Variants in SHLD2 observed in about 807,000 individuals in gnomAD.
SHLD2 encodes the protein RINN1-REV7-interacting novel NHEJ regulator 2.
Under a neutral mutation model 73.2 loss-of-function variants are expected in SHLD2, and 30 were observed. The ratio of observed to expected loss-of-function variants is 0.41; its 90% confidence interval spans 0.31 to 0.56. SHLD2 has a LOEUF of 0.56. Among genes scored for constraint, SHLD2 ranks in the 20% least tolerant of loss-of-function variants. SHLD2 has a pLI of 0.28. For missense variants in SHLD2, 745 were observed against 1,055.9 expected (o/e 0.71, Z 4.08); for synonymous variants, 285 against 370.1 (o/e 0.77, Z 2.64).
intron 2 of SHLD2, among the ~76,000 whole-genome samples, chr10:87,147,359 G>C (rs1407352518): frequency 1.2e-5 from 1 of 80,584 alleles, no homozygotes; most frequent in African/African-American, 3.6e-5. Flanking sequence ...CAAGGAGGAA[G>C]AGAGAGAGAG....
Position 87,190,841 on chromosome 10 carries a change from G to A in SHLD2, c.*158G>A. ...TATATAAATTAAAACTTTTTTCTAAGAAAATCCTGTGAGGTTTAAAAAGAT... is the reference window on the plus strand; with the variant it reads ...TATATAAATTAAAACTTTTTTCTAAAAAAATCCTGTGAGGTTTAAAAAGAT... On this transcript the variant is annotated 3_prime_UTR_variant, in exon 10 of 10. Transcript: ENST00000298786. 1.6e-6 allele frequency: 1 copy of A among 628,290 alleles called. No homozygotes were observed. The highest frequency in any genetic ancestry group is 2.7e-6 in the Non-Finnish European group (1 of 365,278). 38.9% of individuals were successfully genotyped at this position (628,290 alleles called of 1,614,324 possible). A position where few individuals can be genotyped will look rare whatever the true frequency, so the allele number is the denominator to read the frequency against.
intron 4 of SHLD2, among the ~76,000 whole-genome samples, chr10:87,167,892 G>C (rs1248796437): frequency 1.3e-5 from 2 of 152,126 alleles, no homozygotes; most frequent in Non-Finnish European, 2.9e-5. Context: ...TGATCCTCTT[G>C]TCTTAGCCTC....
chr10:87,094,900 C>T, upstream of SHLD2: 3 of 592,090 alleles, frequency 5.1e-6, no homozygotes, highest in Non-Finnish European at 8.1e-6. This position sits in a 1 kb window ranked among gnomAD's most constrained non-coding sequence, Gnocchi z 6.6. Context: ...GCCCGGCTGT[C>T]CCCTCCCCTC....
intron 2 of SHLD2, among the ~76,000 whole-genome samples, chr10:87,140,436 GAAA>G (rs1845113167): frequency 7.1e-6 from 1 of 141,070 alleles, no homozygotes; most frequent in African/African-American, 2.6e-5. Flanking sequence ...AAAAAAAAAA[GAAA>G]AAAATAAGAA....
At chr10:87,153,941 T>A (rs1217170595) in intron 3 of SHLD2, 1 of 152,212 alleles carries the variant, frequency 6.6e-6, no homozygotes, top group Non-Finnish European at 1.5e-5. Context: ...AGTCTTGCTA[T>A]GTTGCCAAGT....
chr10:87,141,939 G>A (rs2134233862), intron 2 of SHLD2, among the ~76,000 whole-genome samples: 1 of 151,744 alleles, frequency 6.6e-6, no homozygotes, highest in South Asian at 2.1e-4. Context: ...ACTGAGGCGG[G>A]AGAATTGCTT....
Position 87,190,355 on chromosome 10 carries a change from G to A in SHLD2, c.2516-129G>A, listed in dbSNP as rs537082846. 46 of 834,826 alleles carry A rather than the reference G, an allele frequency of 5.5e-5. No individual in the cohort carries two copies. In the African/African-American group the frequency reaches 7.2e-4, roughly 13 times the overall value. The allele number at this position is 834,826 out of a possible 1,614,324, so 51.7% of individuals were successfully genotyped here. A position where few individuals can be genotyped will look rare whatever the true frequency, so the allele number is the denominator to read the frequency against. ...ATTACAGGTGTGAGCCACCGCTACT[G>A]GACGGGAGGAGAAATTTAAAATGGG... On this transcript the variant is annotated intron_variant, in intron 9 of 9. Transcript: ENST00000298786.
chr10:87,180,881 C>T (rs1848261754), intron 8 of SHLD2, among the ~76,000 whole-genome samples: 2 of 152,026 alleles, frequency 1.3e-5, no homozygotes, highest in Non-Finnish European at 2.9e-5. Context: ...GTTTTATGCT[C>T]CTTATGATTA....
intron 8 of SHLD2, among the ~76,000 whole-genome samples, chr10:87,182,673 C>T (rs1056382861): frequency 6.6e-6 from 1 of 152,118 alleles, no homozygotes; most frequent in African/African-American, 2.4e-5. Context: ...GCAGGTCAAA[C>T]CACAATTAAG....
chr10:87,180,059 T>C lies in SHLD2; in HGVS notation c.2171-16T>C. 6.2e-7 allele frequency: 1 copy of C among 1,602,532 alleles called. No individual in the cohort carries two copies. Among genetic ancestry groups the C allele is most frequent in the East Asian group, 2.2e-5 (1 of 44,810 alleles). On this transcript the variant is annotated splice_polypyrimidine_tract_variant and intron_variant, in intron 7 of 9. Coordinates refer to ENST00000298786, the MANE Select transcript of SHLD2 (RefSeq NM_001330112.2). ...TTGGCCCAATAATTTATAATATATC[T>C]GTTTGTTGTTTGTAGGAGTGGTTCT...
At chr10:87,102,324 C>CTT (rs200172310) in intron 2 of SHLD2, among the ~76,000 whole-genome samples, 1 of 151,542 alleles carries the variant, frequency 6.6e-6, no homozygotes, top group Admixed American at 6.6e-5. Context: ...GTTTTGTTTT[C>CTT]TTTTTTTTTA....
At chr10:87,126,246 T>G (rs1408629237) in intron 2 of SHLD2, among the ~76,000 whole-genome samples, 1 of 152,102 alleles carries the variant, frequency 6.6e-6, no homozygotes, top group East Asian at 1.9e-4. Context: ...GCCTGGCTAA[T>G]TTTTAAATTT....
chr10:87,183,735 G>C (rs1211087794), intron 8 of SHLD2, among the ~76,000 whole-genome samples: 1 of 152,138 alleles, frequency 6.6e-6, no homozygotes, highest in Non-Finnish European at 1.5e-5. Flanking sequence ...CTGAGGCATG[G>C]ATACTTCTTT....
rs116339966 is a variant in SHLD2, at chr10:87,141,126, A to T, written c.-5-10224A>T. 6.0e-3 allele frequency among the ~76,000 whole-genome samples: 905 copies of T among 152,082 alleles called. 13 individuals carry two copies. Among genetic ancestry groups the T allele is most frequent in the African/African-American group, 0.021 (859 of 41,482 alleles). The stretch of plus-strand genomic sequence containing the variant: ...GAGACCCTGTCTCTCAAAAAAAAAA[A>T]TTTAAAAAGGGGGGCATGGTGGCAT... On this transcript the variant is annotated intron_variant, in intron 2 of 9. Transcript: ENST00000298786.
intron 3 of SHLD2, among the ~76,000 whole-genome samples, chr10:87,156,652 A>G (rs1205088869): frequency 6.6e-6 from 1 of 152,172 alleles, no homozygotes; most frequent in Admixed American, 6.5e-5. Context: ...TCCATGCACC[A>G]CTAGTGATTA....
chr10:87,094,743 C>A (rs757565618), upstream of SHLD2: 3 of 1,532,228 alleles, frequency 2.0e-6, no homozygotes, highest in Non-Finnish European at 2.6e-6. This position sits in a 1 kb window ranked among gnomAD's most constrained non-coding sequence, Gnocchi z 6.6. Context: ...GGGACAGCAA[C>A]AGCGCTTCGC....
chr10:87,157,360 T>C (rs1350913203), intron 3 of SHLD2, among the ~76,000 whole-genome samples: 1 of 152,236 alleles, frequency 6.6e-6, no homozygotes, highest in Non-Finnish European at 1.5e-5. Context: ...TGACACTGTA[T>C]GCTGATTAGA....
At chr10:87,108,082 T>G (rs1679080303) in intron 2 of SHLD2, among the ~76,000 whole-genome samples, 2 of 152,008 alleles carry the variant, frequency 1.3e-5, no homozygotes, top group African/African-American at 4.8e-5. Flanking sequence ...AGACGGAGTT[T>G]CGCTCTTGTT....
rs3129402 is a variant in SHLD2, at chr10:87,190,889, A to C, written c.*206A>C. ...GATTGTTTTTGTCTTTTGGTTTCTT[A>C]CTTTCTCCTGGAGAAATGATCTACC... On this transcript the variant is annotated 3_prime_UTR_variant, in exon 10 of 10. Coordinates refer to ENST00000298786, the MANE Select transcript of SHLD2 (RefSeq NM_001330112.2). 481,404 of 574,216 alleles carry C rather than the reference A, an allele frequency of 0.84. 206,635 individuals are homozygous for C. Among genetic ancestry groups the C allele is most frequent in the African/African-American group, 0.96 (51,060 of 53,034 alleles). 35.6% of individuals were successfully genotyped at this position (574,216 alleles called of 1,614,324 possible).
Sources: gnomAD v4.1 joint callset for allele counts (sites outside exome capture counted in the v4.1 genomes callset) on GRCh38, gnomAD v4.1.1 for gene constraint, Gnocchi (gnomAD v3.1) non-coding constraint, MANE v1.5 for transcripts, NCBI Gene and HGNC (gene_info 2026-07-23, HGNC 2026-07-21) for gene names.